Variants in DAB2IP observed in about 807,000 individuals in gnomAD.
DAB2IP encodes the protein DAB2 interacting protein.
A neutral mutation model predicts 107.2 loss-of-function variants in DAB2IP; 28 were observed. The observed-to-expected ratio is 0.26, with a 90% confidence interval of 0.19 to 0.36. DAB2IP has a LOEUF of 0.36. Ranked by LOEUF, DAB2IP falls within the 10% of genes least tolerant of loss-of-function variation. The probability of loss-of-function intolerance (pLI) is 1.00; values close to 1 mark genes in which losing one functional copy is unlikely to be tolerated. For missense variants in DAB2IP, 1,400 were observed against 1,644.7 expected (o/e 0.85, Z 2.57); for synonymous variants, 755 against 706.4 (o/e 1.07, Z -1.09).
At chr9:121,728,312 T>C (rs1264357135) in intron 3 of DAB2IP, among the ~76,000 whole-genome samples, 1 of 152,152 alleles carries the variant, frequency 6.6e-6, no homozygotes, top group Admixed American at 6.5e-5. Flanking sequence ...AGTAACACCC[T>C]GTGGGCTCAT....
rs1285678397 is a variant in DAB2IP, at chr9:121,698,645, G to C, written c.229-680G>C. 6.6e-6 allele frequency among the ~76,000 whole-genome samples: 1 copy of C among 152,168 alleles called. No homozygotes were observed. The highest frequency in any genetic ancestry group is 1.5e-5 in the Non-Finnish European group (1 of 68,022). On this transcript the variant is annotated intron_variant, in intron 2 of 15. Coordinates refer to ENST00000408936, the Ensembl canonical transcript of DAB2IP. The surrounding 1 kb of genome is among the most constrained non-coding windows in gnomAD (Gnocchi z 4.1). Reference sequence around the variant, plus strand: ...GTACATACAACGGTTCCGGGGAGGGGCCCCACCCTGACATCAAGCTACTGC... The same window carrying C: ...GTACATACAACGGTTCCGGGGAGGGCCCCCACCCTGACATCAAGCTACTGC...
intron 2 of DAB2IP, among the ~76,000 whole-genome samples, chr9:121,693,584 G>A (rs899705784): frequency 6.6e-6 from 1 of 152,228 alleles, no homozygotes. Flanking sequence ...GCCATGGGAG[G>A]AGCCGGGCCT....
At chr9:121,606,395 G>A (rs2777317) in intron 1 of DAB2IP, among the ~76,000 whole-genome samples, 54,255 of 151,852 alleles carry the variant, frequency 0.36, 10,769 homozygotes, top group African/African-American at 0.51. Flanking sequence ...GTATGCTACA[G>A]CACAAAGCAT....
intron 2 of DAB2IP, among the ~76,000 whole-genome samples, chr9:121,686,495 G>C (rs1300539165): frequency 6.6e-6 from 1 of 152,178 alleles, no homozygotes; most frequent in African/African-American, 2.4e-5. Flanking sequence ...CACCACCCCA[G>C]TCCCTGCCAG....
chr9:121,683,664 C>G (rs1242221984), intron 2 of DAB2IP, among the ~76,000 whole-genome samples: 1 of 152,168 alleles, frequency 6.6e-6, no homozygotes, highest in Non-Finnish European at 1.5e-5. Context: ...AGGAGCAGGT[C>G]TTTGGTTTCT....
At chr9:121,780,634 T>C (rs1835546128) in intron 14 of DAB2IP, among the ~76,000 whole-genome samples, 1 of 152,058 alleles carries the variant, frequency 6.6e-6, no homozygotes, top group African/African-American at 2.4e-5. Context: ...GGACAAGGCA[T>C]CTAGGAGACA....
In DAB2IP at chr9:121,760,229, C is replaced by T. The variant is rs570908203; in HGVS notation, c.960C>T (p.Gly320=). 108 of 1,613,668 alleles carry T rather than the reference C, an allele frequency of 6.7e-5. 1 individual carries two copies. In the South Asian group the frequency reaches 1.0e-3, roughly 15 times the overall value. Residue 320 remains glycine, a synonymous_variant, in exon 6 of 16, where the codon GGC becomes GGT. Transcript: ENST00000408936. This position sits in a 1 kb window ranked among gnomAD's most constrained non-coding sequence, Gnocchi z 5.9. Reference sequence around the variant, plus strand: ...CGGTGGTGACGCCCAACCCCAAGGGCGGCAAGGGCCCTGGACCCATGATCC... The same window carrying T: ...CGGTGGTGACGCCCAACCCCAAGGGTGGCAAGGGCCCTGGACCCATGATCC...
intron 1 of DAB2IP, among the ~76,000 whole-genome samples, chr9:121,675,779 C>G (rs1271201509): frequency 6.6e-6 from 1 of 152,196 alleles, no homozygotes; most frequent in Non-Finnish European, 1.5e-5. Context: ...AGATGGGACA[C>G]AGGTTATGGG....
intron 3 of DAB2IP, among the ~76,000 whole-genome samples, chr9:121,719,527 G>A (rs1013445259): frequency 5.9e-5 from 9 of 152,204 alleles, no homozygotes; most frequent in African/African-American, 1.9e-4. Flanking sequence ...AGGGCCTGGA[G>A]CATCGGGAGA....
chr9:121,669,675 A>G (rs1489411376), intron 1 of DAB2IP, among the ~76,000 whole-genome samples: 3 of 152,220 alleles, frequency 2.0e-5, no homozygotes, highest in Non-Finnish European at 4.4e-5. Context: ...AAGTAGCAGC[A>G]GTCACTGCTT....
At chr9:121,681,994 A>G (rs1428677318) in intron 2 of DAB2IP, among the ~76,000 whole-genome samples, 2 of 152,152 alleles carry the variant, frequency 1.3e-5, no homozygotes, top group Non-Finnish European at 2.9e-5. Flanking sequence ...TCGGGTTTCC[A>G]TTTTTGGCTG....
intron 3 of DAB2IP, among the ~76,000 whole-genome samples, chr9:121,748,512 C>T (rs1462440484): frequency 4.6e-5 from 7 of 152,212 alleles, no homozygotes. Flanking sequence ...TTTGGATTAA[C>T]TGGCTCATGT....
At chr9:121,679,738 G>A (rs1214186119) in intron 2 of DAB2IP, among the ~76,000 whole-genome samples, 1 of 152,052 alleles carries the variant, frequency 6.6e-6, no homozygotes, top group Non-Finnish European at 1.5e-5. Context: ...ATCATATAGG[G>A]GCTCCAGGGG....
At chr9:121,597,902 T>G (rs1331031022) in intron 1 of DAB2IP, among the ~76,000 whole-genome samples, 1 of 152,172 alleles carries the variant, frequency 6.6e-6, no homozygotes, top group Non-Finnish European at 1.5e-5. Context: ...AACAAGTAGC[T>G]CCTGAGTGAT....
chr9:121,741,954 G>C (rs114289710), intron 3 of DAB2IP, among the ~76,000 whole-genome samples: 55 of 152,094 alleles, frequency 3.6e-4, no homozygotes, highest in African/African-American at 1.3e-3. Flanking sequence ...GGCAGAGTCC[G>C]GGTTTGAACA....
At chr9:121,747,744 GTC>G (rs746608987) in intron 3 of DAB2IP, among the ~76,000 whole-genome samples, 86 of 151,884 alleles carry the variant, frequency 5.7e-4, no homozygotes, top group Non-Finnish European at 1.0e-3. Context: ...AATTTGACAA[GTC>G]TGACAGCTAT....
At chr9:121,588,494 T>C (rs1311827130) in intron 1 of DAB2IP, among the ~76,000 whole-genome samples, 1 of 143,640 alleles carries the variant, frequency 7.0e-6, no homozygotes, top group African/African-American at 2.6e-5. Flanking sequence ...CATCAAGGGC[T>C]GCTCTCTGGC....
At chr9:121,690,299 G>A (rs1020454612) in intron 2 of DAB2IP, among the ~76,000 whole-genome samples, 7 of 148,916 alleles carry the variant, frequency 4.7e-5, no homozygotes, top group South Asian at 2.1e-4. Context: ...AGCAAGCCCC[G>A]GGAGGACTGG....
intron 2 of DAB2IP, among the ~76,000 whole-genome samples, chr9:121,680,915 G>A (rs1249477129): frequency 6.6e-6 from 1 of 151,772 alleles, no homozygotes; most frequent in Non-Finnish European, 1.5e-5. Flanking sequence ...GCTATTTTTT[G>A]TATTTTTAGT....
Sources: gnomAD v4.1 joint callset for allele counts (sites outside exome capture counted in the v4.1 genomes callset) on GRCh38, gnomAD v4.1.1 for gene constraint, Gnocchi (gnomAD v3.1) non-coding constraint, MANE v1.5 for transcripts, NCBI Gene and HGNC (gene_info 2026-07-23, HGNC 2026-07-21) for gene names.